The following ASTE1 variants were observed in gnomAD, a reference collection of about 807,000 sequenced individuals.
The protein encoded by ASTE1 is asteroid structure-specific endonuclease 1.
Under a neutral mutation model 45.8 loss-of-function variants are expected in ASTE1, and 49 were observed. That is an observed-to-expected ratio of 1.07 (90% confidence interval 0.85 to 1.36). ASTE1 has a LOEUF of 1.36. Among genes scored for constraint, ASTE1 ranks in the 40% most tolerant of loss-of-function variants. ASTE1 has a pLI of 0.00. For synonymous variants in ASTE1, 296 were observed against 303.9 expected (o/e 0.97, Z 0.27); for missense variants, 709 against 804.0 (o/e 0.88, Z 1.43).
chr3:131,024,779 A>G lies in ASTE1; in HGVS notation c.528T>C (p.Asn176=), dbSNP rs1469945946. Reference sequence around the variant, plus strand: ...TGTTCATATTTCTCCACTGAAAGCTATTCAATGGGCAAAACCCAGTTTTCA... The same window carrying G: ...TGTTCATATTTCTCCACTGAAAGCTGTTCAATGGGCAAAACCCAGTTTTCA... ...FDLKTGFCPL[N]SFQWRNMNTI... is the part of the protein sequence containing the mutation. The change falls in exon 3 of 6, where the codon AAT becomes AAC. Residue 176 remains asparagine, a synonymous_variant. Coordinates refer to ENST00000264992, the MANE Select transcript of ASTE1 (RefSeq NM_014065.4). 6.2e-7 allele frequency: 1 copy of G among 1,614,120 alleles called. No homozygotes were observed. The highest frequency in any genetic ancestry group is 1.7e-5 in the Admixed American group (1 of 60,028).
intron 4 of ASTE1, among the ~76,000 whole-genome samples, chr3:131,017,860 C>T (rs1485035730): frequency 1.3e-5 from 2 of 149,266 alleles, no homozygotes; most frequent in Non-Finnish European, 3.0e-5. Context: ...ATCCCAGCTA[C>T]TCGGAAGGCT....
intron 4 of ASTE1, chr3:131,016,934 AG>A: frequency 4.3e-6 from 5 of 1,166,638 alleles, no homozygotes; most frequent in Non-Finnish European, 5.7e-6. Flanking sequence ...TTGTTTGGGC[AG>A]GGGTGCACAA....
rs2063775679 is a variant in ASTE1, at chr3:131,024,029, A to G, written c.1278T>C (p.His426=). 2 of 1,605,994 alleles carry G rather than the reference A, an allele frequency of 1.2e-6. No homozygotes were observed. The highest frequency in any genetic ancestry group is 1.7e-6 in the Non-Finnish European group (2 of 1,174,468). ...CCTCAGTCAATCTGCTTAAGTCAGA[A>G]TGATCCTTGGCCAGTTCTACTGCAT... is the stretch of plus-strand genomic sequence containing the variant. ...IIDAVELAKD[H]SDLSRLTELS... The change falls in exon 3 of 6, where the codon CAT becomes CAC. Residue 426 remains histidine, a synonymous_variant. Transcript: ENST00000264992.
intron 3 of ASTE1, among the ~76,000 whole-genome samples, chr3:131,020,888 G>C (rs1646545172): frequency 6.6e-6 from 1 of 152,122 alleles, no homozygotes; most frequent in African/African-American, 2.4e-5. Context: ...TACTTAGCAA[G>C]GAATATAAGC....
chr3:131,022,125 T>C (rs916020347), intron 3 of ASTE1, among the ~76,000 whole-genome samples: 2 of 152,188 alleles, frequency 1.3e-5, no homozygotes, highest in African/African-American at 4.8e-5. Flanking sequence ...AAACACCTGA[T>C]GGGGACACCA....
At position 131,025,038 on chromosome 3, in the gene ASTE1, G is replaced by C; in HGVS notation, c.269C>G (p.Thr90Arg). ...GGCDISDKKL[T>R]TLKDRAREKI... ...CTCTCTAGCTCTATCCTTTAAAGTT[G>C]TAAGCTTTTTATCTGAAATGTCACA... is the stretch of plus-strand genomic sequence containing the variant. Residue 90 changes from threonine to arginine, a missense_variant, in exon 3 of 6, where the codon ACA becomes AGA. Transcript: ENST00000264992. 1.2e-6 allele frequency: 2 copies of C among 1,604,104 alleles called. No individual in the cohort carries two copies. Among genetic ancestry groups the C allele is most frequent in the Non-Finnish European group, 1.7e-6 (2 of 1,174,734 alleles).
chr3:131,018,846 G>GA (rs901391433), intron 3 of ASTE1, 130 bp from the exon 4 acceptor site: 81 of 900,570 alleles, frequency 9.0e-5, no homozygotes, highest in African/African-American at 4.2e-4. Context: ...CTTCTTGTGG[G>GA]AAAAAAAATC....
Position 131,025,211 on chromosome 3 carries a change from A to T in ASTE1, c.96T>A (p.Gly32=). 2 of 1,614,222 alleles carry T rather than the reference A, an allele frequency of 1.2e-6. No individual in the cohort carries two copies. The highest frequency in any genetic ancestry group is 8.5e-7 in the Non-Finnish European group (1 of 1,180,036). ...KLRDTKIVID[G]YALFHRLCFS... ...AGCAAAGACGGTGGAAAAGAGCATA[A>T]CCATCAATGACAATTTTTGTGTCCC... The change falls in exon 3 of 6, where the codon GGT becomes GGA. Residue 32 remains glycine, a synonymous_variant. Coordinates refer to ENST00000264992, the MANE Select transcript of ASTE1 (RefSeq NM_014065.4).
intron 3 of ASTE1, among the ~76,000 whole-genome samples, chr3:131,020,805 G>A (rs1349872339): frequency 6.6e-6 from 1 of 152,194 alleles, no homozygotes; most frequent in African/African-American, 2.4e-5. Context: ...GGTGATAGCA[G>A]AGCGCAGAGA....
Position 131,014,375 on chromosome 3 carries a change from T to G in ASTE1, c.1722A>C (p.Gly574=). 6.3e-7 allele frequency: 1 copy of G among 1,597,764 alleles called. No homozygotes were observed. The highest frequency in any genetic ancestry group is 8.5e-7 in the Non-Finnish European group (1 of 1,174,242). ...PEPDLTRLYS[G]SLVHGLCQQL... ...GCTGGCATAGTCCGTGCACCAGGCTTCCACTGTACAGTCTGTTCAAAGCAA... is the reference window on the plus strand; with the variant it reads ...GCTGGCATAGTCCGTGCACCAGGCTGCCACTGTACAGTCTGTTCAAAGCAA... The change falls in exon 6 of 6, where the codon GGA becomes GGC. Residue 574 remains glycine (G), a synonymous_variant. Transcript: ENST00000264992.
In ASTE1 at chr3:131,016,165, A is replaced by C; in HGVS notation, c.1688T>G (p.Leu563Arg). 1 of 1,613,816 alleles carries C rather than the reference A, an allele frequency of 6.2e-7. No individual in the cohort carries two copies. Among genetic ancestry groups the C allele is most frequent in the Non-Finnish European group, 8.5e-7 (1 of 1,180,000 alleles). Reference sequence around the variant, plus strand: ...TTACCGAGTTAGGTCTGGCTCTGGGAGAGGAGTGGACAGCAGCTGGTTGAG... The same window carrying C: ...TTACCGAGTTAGGTCTGGCTCTGGGCGAGGAGTGGACAGCAGCTGGTTGAG... ...MYLNQLLSTP[L>R]PEPDLTRLYS... Residue 563 changes from leucine to arginine, a missense_variant, in exon 5 of 6, where the codon CTC (leucine) becomes CGC (arginine). By Grantham distance (102) the Leu-to-Arg change is moderately radical. Coordinates refer to ENST00000264992, the MANE Select transcript of ASTE1 (RefSeq NM_014065.4).
Position 131,014,120 on chromosome 3 carries a change from G to A in ASTE1, c.1977C>T (p.Asn659=). Residue 659 remains asparagine (N), a synonymous_variant, in exon 6 of 6, where the codon AAC becomes AAT. Transcript: ENST00000264992. ...TTTCAACCATTAACAACCCAAACCG[G>A]TTGTTTCCCTCATACCAACACTTGG... ...AHTKCWYEGN[N]RFGLLMVENL... 1 of 1,611,428 alleles carries A rather than the reference G, an allele frequency of 6.2e-7. No individual in the cohort carries two copies. Among genetic ancestry groups the A allele is most frequent in the Non-Finnish European group, 8.5e-7 (1 of 1,179,436 alleles).
At position 131,024,488 on chromosome 3, in the gene ASTE1, T is replaced by C; in HGVS notation, c.819A>G (p.Leu273=). The C allele has an allele frequency of 1.2e-6, 2 of 1,614,182 alleles. No individual in the cohort carries two copies. Among genetic ancestry groups the C allele is most frequent in the Non-Finnish European group, 1.7e-6 (2 of 1,180,024 alleles). Residue 273 remains leucine (L), a synonymous_variant, in exon 3 of 6, where the codon CTA becomes CTG. Transcript: ENST00000264992. ...TTGGGAGGTATTTCAGAACATTATC[T>C]AGTGCTTCGGTAGGGTTGGCAAAAT... is the stretch of plus-strand genomic sequence containing the variant. ...LSHFANPTEA[L]DNVLKYLPKK...
chr3:131,020,680 ATTTGTG>A (rs957437364), intron 3 of ASTE1, among the ~76,000 whole-genome samples: 68 of 152,320 alleles, frequency 4.5e-4, no homozygotes, highest in African/African-American at 1.6e-3. Flanking sequence ...TTGTACTTGC[ATTTGTG>A]TTTGGAATCA....
chr3:131,025,547 G>C lies in ASTE1; in HGVS notation c.-99C>G. The C allele has an allele frequency of 1.8e-6, 1 of 566,804 alleles. No individual in the cohort carries two copies. Among genetic ancestry groups the C allele is most frequent in the Non-Finnish European group, 2.8e-6 (1 of 352,796 alleles). The allele number at this position is 566,804 out of a possible 1,614,324, so 35.1% of individuals were successfully genotyped here. ...TCTGATACAAGGCACAAATTCAATG[G>C]TTTCATGGGTTGTAATCTTTGGATG... On this transcript the variant is annotated 5_prime_UTR_variant, in exon 2 of 6. Transcript: ENST00000264992.
At chr3:131,021,282 G>A (rs1037604397) in intron 3 of ASTE1, among the ~76,000 whole-genome samples, 2 of 152,072 alleles carry the variant, frequency 1.3e-5, no homozygotes, top group African/African-American at 2.4e-5. Flanking sequence ...ATGAACACAT[G>A]GAAATGGAAG....
intron 3 of ASTE1, among the ~76,000 whole-genome samples, chr3:131,023,246 AAG>A (rs2063766320): frequency 6.6e-6 from 1 of 152,154 alleles, no homozygotes. Flanking sequence ...CATTGGATCT[AAG>A]AAGATCCCCT....
At chr3:131,026,368 GCA>G (rs2063886835) in intron 1 of ASTE1, 137 bp downstream of exon 1, 1 of 152,386 alleles carries the variant, frequency 6.6e-6, no homozygotes, top group Non-Finnish European at 1.5e-5. Flanking sequence ...ACAGGACCTT[GCA>G]CAGACAGTTG....
chr3:131,023,863 C>G, intron 3 of ASTE1, 142 bp downstream of exon 3: 1 of 847,756 alleles, frequency 1.2e-6, no homozygotes, highest in Non-Finnish European at 1.7e-6. Context: ...CACTCAAGTT[C>G]TAGATTTCTT....
Sources: allele counts gnomAD v4.1 joint callset (sites outside exome capture counted in the v4.1 genomes callset), GRCh38; gene constraint gnomAD v4.1.1; transcripts MANE v1.5; gene names NCBI Gene and HGNC (gene_info 2026-07-23, HGNC 2026-07-21).